The following MAP3K14 variants were observed in gnomAD, a reference collection of about 807,000 sequenced individuals.
MAP3K14 encodes mitogen-activated protein kinase kinase kinase 14.
In MAP3K14, 16 loss-of-function variants were observed where a neutral mutation model predicts 99.2. That is an observed-to-expected ratio of 0.16 (90% CI 0.11 to 0.24). The LOEUF (loss-of-function observed/expected upper bound fraction) is 0.24. MAP3K14 is among the 10% of genes least tolerant of loss of function. The pLI, the probability that MAP3K14 is intolerant of heterozygous loss-of-function variation, is 1.00. For synonymous variants in MAP3K14, 462 were observed against 492.4 expected (o/e 0.94, Z 0.82); for missense variants, 784 against 1,208.7 (o/e 0.65, Z 5.21).
At chr17:45,271,855 C>T (rs186883223) in intron 9 of MAP3K14, among the ~76,000 whole-genome samples, 5 of 152,128 alleles carry the variant, frequency 3.3e-5, no homozygotes, top group Admixed American at 6.5e-5. Context: ...GTAAGTAATA[C>T]CAGTAAGTAA....
intron 1 of MAP3K14, among the ~76,000 whole-genome samples, chr17:45,302,100 G>T (rs2044392928): frequency 6.6e-6 from 1 of 151,408 alleles, no homozygotes; most frequent in African/African-American, 2.4e-5. Flanking sequence ...CAGAGTGCTG[G>T]CATTACAGGC....
intron 7 of MAP3K14, 41 bp downstream of exon 7, chr17:45,274,423 T>G: frequency 6.2e-7 from 1 of 1,610,718 alleles, no homozygotes; most frequent in Non-Finnish European, 8.5e-7. Context: ...GGGGAACTCT[T>G]GGCCCTGAAT....
intron 3 of MAP3K14, among the ~76,000 whole-genome samples, chr17:45,287,982 T>C (rs1399463831): frequency 6.6e-6 from 1 of 152,194 alleles, no homozygotes; most frequent in African/African-American, 2.4e-5. Flanking sequence ...ATCACTGCCA[T>C]GGCTCTAACT....
At chr17:45,292,492 T>C (rs1318507507) in intron 1 of MAP3K14, among the ~76,000 whole-genome samples, 1 of 152,010 alleles carries the variant, frequency 6.6e-6, no homozygotes, top group Non-Finnish European at 1.5e-5. Flanking sequence ...GCCCAGGAGG[T>C]TGAGGCTGCA....
intron 6 of MAP3K14, among the ~76,000 whole-genome samples, chr17:45,277,053 C>T (rs1226567293): frequency 2.0e-5 from 3 of 151,452 alleles, no homozygotes; most frequent in South Asian, 4.2e-4. Flanking sequence ...TGGTCTTGAA[C>T]TCCTGGCCTC....
intron 1 of MAP3K14, among the ~76,000 whole-genome samples, chr17:45,303,776 G>A (rs2044408818): frequency 4.0e-5 from 6 of 151,030 alleles, no homozygotes; most frequent in Admixed American, 3.9e-4. Flanking sequence ...TAGAGACGGG[G>A]TTTCACCGTG....
At chr17:45,283,513 G>A (rs905134819) in intron 6 of MAP3K14, among the ~76,000 whole-genome samples, 5 of 152,168 alleles carry the variant, frequency 3.3e-5, no homozygotes, top group Admixed American at 2.0e-4. Context: ...CAGGGAAGCC[G>A]GGTTTATTCA....
At chr17:45,271,928 T>C (rs1340409698) in intron 9 of MAP3K14, among the ~76,000 whole-genome samples, 1 of 152,186 alleles carries the variant, frequency 6.6e-6, no homozygotes, top group Non-Finnish European at 1.5e-5. Flanking sequence ...AAAACTTATA[T>C]GCGTAAAAGA....
At chr17:45,265,345 G>T in intron 14 of MAP3K14, 82 bp from the exon 15 acceptor site, 1 of 905,960 alleles carries the variant, frequency 1.1e-6, no homozygotes, top group South Asian at 1.3e-5. Flanking sequence ...CTGGGGGAAC[G>T]TTTTTGTTAA....
Position 45,270,396 on chromosome 17 carries a change from C to A in MAP3K14, c.1972+17G>T, listed in dbSNP as rs775830118. 1 of 1,606,766 alleles carries A rather than the reference C, an allele frequency of 6.2e-7. No homozygotes were observed. The highest frequency in any genetic ancestry group is 8.5e-7 in the Non-Finnish European group (1 of 1,177,778). The stretch of plus-strand genomic sequence containing the variant: ...GTCTTCTGCCCCCCGGGTCAGCCAG[C>A]GTGGGGCTCTTCCTACCTTGCTGTA... On this transcript the variant is annotated intron_variant, in intron 11 of 15. Coordinates refer to ENST00000344686, the MANE Select transcript of MAP3K14 (RefSeq NM_003954.5).
chr17:45,303,627 T>C (rs567592321), intron 1 of MAP3K14, among the ~76,000 whole-genome samples: 91 of 151,904 alleles, frequency 6.0e-4, no homozygotes, highest in Non-Finnish European at 8.4e-4. Context: ...AAATTGTATA[T>C]AGAAAAAAAA....
At chr17:45,298,494 A>C (rs567903305) in intron 1 of MAP3K14, among the ~76,000 whole-genome samples, 1 of 152,376 alleles carries the variant, frequency 6.6e-6, no homozygotes, top group East Asian at 1.9e-4. Context: ...ATAAAGACAT[A>C]GAAAGAGATG....
intron 1 of MAP3K14, among the ~76,000 whole-genome samples, chr17:45,296,790 G>C (rs1457798490): frequency 1.3e-5 from 2 of 152,220 alleles, no homozygotes; most frequent in Non-Finnish European, 2.9e-5. Context: ...TCCTCCCATA[G>C]GGAGTGGCTG....
chr17:45,286,736 A>G lies in MAP3K14; in HGVS notation c.847T>C (p.Phe283Leu). The change falls in exon 5 of 16, where the codon TTC becomes CTC. Residue 283 changes from phenylalanine (F) to leucine (L), a missense_variant. This residue lies in a region of MAP3K14 where 138 missense variants were observed against 164.1 expected (regional missense o/e 0.84). Coordinates refer to ENST00000344686, the MANE Select transcript of MAP3K14 (RefSeq NM_003954.5). The surrounding 1 kb of genome is among the most constrained non-coding windows in gnomAD (Gnocchi z 4.1). ...QPWKPHPLES[F>L]LGKLACVDSQ... ...TCTACACAGGCCAGTTTGCCCAGGA[A>G]GGACTCCAGAGGGTGAGGTTTCCAG... 6.2e-7 allele frequency: 1 copy of G among 1,610,808 alleles called. No individual in the cohort carries two copies. The highest frequency in any genetic ancestry group is 8.5e-7 in the Non-Finnish European group (1 of 1,178,526).
intron 1 of MAP3K14, among the ~76,000 whole-genome samples, chr17:45,311,590 C>T (rs1436713599): frequency 6.6e-6 from 1 of 152,158 alleles, no homozygotes; most frequent in Non-Finnish European, 1.5e-5. Context: ...GGAGTACCCC[C>T]TGCTGCTTCT....
At chr17:45,302,494 G>A (rs1479422992) in intron 1 of MAP3K14, among the ~76,000 whole-genome samples, 1 of 152,054 alleles carries the variant, frequency 6.6e-6, no homozygotes, top group Non-Finnish European at 1.5e-5. Context: ...TTTTAGTAGA[G>A]ACCGGGTTTC....
At chr17:45,301,552 T>C (rs572724441) in intron 1 of MAP3K14, among the ~76,000 whole-genome samples, 97 of 152,036 alleles carry the variant, frequency 6.4e-4, no homozygotes, top group Non-Finnish European at 7.2e-4. Context: ...AATTATTAAA[T>C]AAATCATGGA....
chr17:45,296,085 C>A (rs2044344692), intron 1 of MAP3K14, among the ~76,000 whole-genome samples: 1 of 152,198 alleles, frequency 6.6e-6, no homozygotes, highest in East Asian at 1.9e-4. Flanking sequence ...TCTCTGAATG[C>A]CCAGAGGGGA....
At chr17:45,269,940 G>A (rs2143780589) in intron 11 of MAP3K14, among the ~76,000 whole-genome samples, 1 of 152,330 alleles carries the variant, frequency 6.6e-6, no homozygotes, top group South Asian at 2.1e-4. Context: ...AGAAGCACAG[G>A]TAAACACGTG....
Sources: gnomAD v4.1 joint callset for allele counts (sites outside exome capture counted in the v4.1 genomes callset) on GRCh38, gnomAD v4.1.1 for gene constraint, gnomAD v4.1.1 regional missense constraint, Gnocchi (gnomAD v3.1) non-coding constraint, MANE v1.5 for transcripts, NCBI Gene and HGNC (gene_info 2026-07-23, HGNC 2026-07-21) for gene names.